ANKRD33B: variants seen among roughly 807,000 people sequenced by gnomAD.
ANKRD33B encodes ankyrin repeat domain-containing protein 33B.
A neutral mutation model predicts 21.5 loss-of-function variants in ANKRD33B; 6 were observed. The observed-to-expected ratio is 0.28, with a 90% confidence interval of 0.15 to 0.55. ANKRD33B has a LOEUF of 0.55. Among genes scored for constraint, ANKRD33B ranks in the 20% least tolerant of loss-of-function variants. ANKRD33B has a pLI of 0.94. For synonymous variants in ANKRD33B, 347 were observed against 342.4 expected (o/e 1.01, Z -0.15); for missense variants, 698 against 747.2 (o/e 0.93, Z 0.77).
At chr5:10,597,530 A>C (rs981059754) in intron 1 of ANKRD33B, among the ~76,000 whole-genome samples, 1 of 152,254 alleles carries the variant, frequency 6.6e-6, no homozygotes, top group Non-Finnish European at 1.5e-5. Flanking sequence ...AGGGGCACCC[A>C]GATTCATGAG....
At chr5:10,579,725 A>C (rs142200895) in intron 1 of ANKRD33B, among the ~76,000 whole-genome samples, 221 of 152,222 alleles carry the variant, frequency 1.5e-3, no homozygotes, top group Non-Finnish European at 2.7e-3. Context: ...TTTTAAAGAA[A>C]CCTAGTGAGA....
At position 10,650,144 on chromosome 5, in the gene ANKRD33B, CT is replaced by C; in HGVS notation, c.*32del. On this transcript the variant is annotated 3_prime_UTR_variant, in exon 4 of 4. Coordinates refer to ENST00000296657, the MANE Select transcript of ANKRD33B (RefSeq NM_001164440.2). ...CGTGTGCCTGGCGCTGGGGCCGGGGCTGGGGCCGGGGCGGGGCCGCAGGGCT... is the reference window on the plus strand; with the variant it reads ...CGTGTGCCTGGCGCTGGGGCCGGGGCGGGGCCGGGGCGGGGCCGCAGGGCT... The C allele has an allele frequency of 8.1e-6, 6 of 738,248 alleles. No homozygotes were observed. Among genetic ancestry groups the C allele is most frequent in the African/African-American group, 3.1e-5 (1 of 32,540 alleles). 45.7% of individuals were successfully genotyped at this position (738,248 alleles called of 1,614,324 possible). A position where few individuals can be genotyped will look rare whatever the true frequency, so the allele number is the denominator to read the frequency against.
Position 10,628,962 on chromosome 5 carries a change from G to A in ANKRD33B, c.497-9066G>A, listed in dbSNP as rs192493124. 4.3e-3 allele frequency among the ~76,000 whole-genome samples: 649 copies of A among 152,310 alleles called. 2 individuals carry two copies. The highest frequency in any genetic ancestry group is 0.014 in the African/African-American group (601 of 41,560). The stretch of plus-strand genomic sequence containing the variant: ...TGCAGAGGCCACTAGATTAGAGGAA[G>A]TGTGGCTCATGAGTGAATTACACGG... On this transcript the variant is annotated intron_variant, in intron 2 of 3. Coordinates refer to ENST00000296657, the MANE Select transcript of ANKRD33B (RefSeq NM_001164440.2).
chr5:10,575,295 C>T (rs926300116), intron 1 of ANKRD33B, among the ~76,000 whole-genome samples: 11 of 151,874 alleles, frequency 7.2e-5, no homozygotes, highest in African/African-American at 1.9e-4. Flanking sequence ...TGGTGGTGCA[C>T]GCTTGGAATC....
At chr5:10,627,731 T>G (rs965580031) in intron 2 of ANKRD33B, among the ~76,000 whole-genome samples, 1 of 152,266 alleles carries the variant, frequency 6.6e-6, no homozygotes, top group Non-Finnish European at 1.5e-5. Flanking sequence ...AAGTGCTTCC[T>G]TTTTTCTCAG....
chr5:10,642,944 G>A (rs937688100), intron 3 of ANKRD33B, among the ~76,000 whole-genome samples: 5 of 151,878 alleles, frequency 3.3e-5, no homozygotes, highest in East Asian at 1.9e-4. Flanking sequence ...TCACTCTGTC[G>A]CCCAGAGTGG....
chr5:10,595,989 G>A (rs751982168), intron 1 of ANKRD33B, among the ~76,000 whole-genome samples: 2 of 152,200 alleles, frequency 1.3e-5, no homozygotes, highest in Non-Finnish European at 2.9e-5. Context: ...CTGACTCATA[G>A]GAAAGTTTGA....
intron 2 of ANKRD33B, among the ~76,000 whole-genome samples, chr5:10,631,466 C>T (rs977317772): frequency 1.1e-4 from 16 of 152,258 alleles, no homozygotes; most frequent in African/African-American, 3.1e-4. Flanking sequence ...TGAGGATTGA[C>T]GAGGTTCATA....
chr5:10,606,231 C>A (rs536744078), intron 1 of ANKRD33B, among the ~76,000 whole-genome samples: 1 of 152,122 alleles, frequency 6.6e-6, no homozygotes, highest in African/African-American at 2.4e-5. Context: ...ACGTTTTATG[C>A]AAAATTTAGT....
At position 10,657,739 on chromosome 5, in the gene ANKRD33B, A is replaced by G. The variant is rs1737527658; in HGVS notation, c.*7626A>G. 6.6e-6 allele frequency: 1 copy of G among 152,392 alleles called. No homozygotes were observed. The highest frequency in any genetic ancestry group is 1.5e-5 in the Non-Finnish European group (1 of 68,046). The allele number at this position is 152,392 out of a possible 1,614,324, so 9.4% of individuals were successfully genotyped here. A position where few individuals can be genotyped will look rare whatever the true frequency, so the allele number is the denominator to read the frequency against. On this transcript the variant is annotated 3_prime_UTR_variant, in exon 4 of 4. Coordinates refer to ENST00000296657, the MANE Select transcript of ANKRD33B (RefSeq NM_001164440.2). ...AACAAATTATGTATCTAATGTTTAAAAAATATGGAAAAAAGGGATAATGTA... is the reference window on the plus strand; with the variant it reads ...AACAAATTATGTATCTAATGTTTAAGAAATATGGAAAAAAGGGATAATGTA...
At position 10,618,472 on chromosome 5, in the gene ANKRD33B, G is replaced by C; in HGVS notation, c.496+10G>C. 1 of 1,519,850 alleles carries C rather than the reference G, an allele frequency of 6.6e-7. No homozygotes were observed. 94.1% of individuals were successfully genotyped at this position (1,519,850 alleles called of 1,614,324 possible). A position where few individuals can be genotyped will look rare whatever the true frequency, so the allele number is the denominator to read the frequency against. The stretch of plus-strand genomic sequence containing the variant: ...ACAGCTGCACAGGCAGGTAAGAGCT[G>C]GCTTTCCCCTTTCCTCTCAGAGCCG... On this transcript the variant is annotated intron_variant, in intron 2 of 3. Coordinates refer to ENST00000296657, the MANE Select transcript of ANKRD33B (RefSeq NM_001164440.2).
At chr5:10,624,787 G>A (rs114469173) in intron 2 of ANKRD33B, 12,126 of 456,718 alleles carry the variant, frequency 0.027, 266 homozygotes, top group Non-Finnish European at 0.038. Context: ...TTGCGCCTCC[G>A]GCGTCAGCAT....
chr5:10,582,446 A>G (rs1368139895), intron 1 of ANKRD33B, among the ~76,000 whole-genome samples: 1 of 152,176 alleles, frequency 6.6e-6, no homozygotes, highest in Non-Finnish European at 1.5e-5. Context: ...GTCTCACTTA[A>G]GCAAGTGCTA....
At chr5:10,616,244 C>T (rs995841309) in intron 1 of ANKRD33B, among the ~76,000 whole-genome samples, 2 of 152,108 alleles carry the variant, frequency 1.3e-5, no homozygotes, top group Non-Finnish European at 2.9e-5. Flanking sequence ...TACTCGAGTC[C>T]TCTTGTTGTT....
intron 1 of ANKRD33B, among the ~76,000 whole-genome samples, chr5:10,580,298 A>G (rs950328635): frequency 2.0e-5 from 3 of 152,214 alleles, no homozygotes; most frequent in Non-Finnish European, 4.4e-5. Context: ...GTTGGGCCAC[A>G]CTGTCTGCTC....
At chr5:10,579,769 T>C (rs545888136) in intron 1 of ANKRD33B, among the ~76,000 whole-genome samples, 1 of 152,130 alleles carries the variant, frequency 6.6e-6, no homozygotes, top group Admixed American at 6.5e-5. Flanking sequence ...CCAAAAAGCA[T>C]AGTAAAAGGA....
At chr5:10,568,370 G>T (rs980271668) in intron 1 of ANKRD33B, among the ~76,000 whole-genome samples, 2 of 152,180 alleles carry the variant, frequency 1.3e-5, no homozygotes, top group African/African-American at 4.8e-5. Context: ...TCACCTTTAT[G>T]GCCTTGGCGG....
chr5:10,589,907 C>T (rs1735645316), intron 1 of ANKRD33B, among the ~76,000 whole-genome samples: 1 of 151,566 alleles, frequency 6.6e-6, no homozygotes, highest in South Asian at 2.1e-4. Flanking sequence ...CCTTTTATAC[C>T]ATGCTGCCTG....
chr5:10,648,112 T>C (rs1280178637), intron 3 of ANKRD33B, among the ~76,000 whole-genome samples: 1 of 152,344 alleles, frequency 6.6e-6, no homozygotes, highest in South Asian at 2.1e-4. Flanking sequence ...GCCATTCTTT[T>C]TGCAACAAGC....
Sources: allele counts gnomAD v4.1 joint callset (sites outside exome capture counted in the v4.1 genomes callset), GRCh38; gene constraint gnomAD v4.1.1; transcripts MANE v1.5; gene names NCBI Gene and HGNC (gene_info 2026-07-23, HGNC 2026-07-21).